The following TDRP variants were observed in gnomAD, a reference collection of about 807,000 sequenced individuals.
TDRP encodes testis development related protein, also known as testis development-related protein.
In TDRP, 12 loss-of-function variants were observed where a neutral mutation model predicts 10.5. That is an observed-to-expected ratio of 1.15 (90% CI 0.73 to 1.86). TDRP has a LOEUF of 1.86. Among genes scored for constraint, TDRP ranks in the 40% most tolerant of loss-of-function variants. The pLI is 0.00. For missense variants in TDRP, 353 were observed against 229.2 expected (o/e 1.54, Z -3.49); for synonymous variants, 139 against 95.4 (o/e 1.46, Z -2.67).
chr8:504,841 C>G (rs915746353), intron 1 of TDRP, among the ~76,000 whole-genome samples: 1 of 152,142 alleles, frequency 6.6e-6, no homozygotes, highest in African/African-American at 2.4e-5. Context: ...ATTTCGGAAC[C>G]CAGACTTATA....
chr8:523,096 T>C (rs1801948927), intron 1 of TDRP, among the ~76,000 whole-genome samples: 1 of 152,216 alleles, frequency 6.6e-6, no homozygotes, highest in Non-Finnish European at 1.5e-5. Context: ...ATTTTGACCC[T>C]CTTTTCCTCT....
chr8:500,447 C>T (rs1038884948), intron 1 of TDRP, among the ~76,000 whole-genome samples: 2 of 152,288 alleles, frequency 1.3e-5, no homozygotes, highest in East Asian at 1.9e-4. Flanking sequence ...TGTGGCAACC[C>T]TGAAGGCCTT....
At chr8:506,471 C>T (rs530319390) in intron 1 of TDRP, among the ~76,000 whole-genome samples, 2 of 152,238 alleles carry the variant, frequency 1.3e-5, no homozygotes, top group African/African-American at 4.8e-5. Context: ...GACACTAAGC[C>T]GCAGCTGAAT....
intron 1 of TDRP, among the ~76,000 whole-genome samples, chr8:523,039 A>G (rs931089798): frequency 6.6e-6 from 1 of 152,158 alleles, no homozygotes; most frequent in Non-Finnish European, 1.5e-5. Context: ...ATAGGGTAGG[A>G]CTTACTATTG....
At chr8:493,873 A>G (rs1480092386) in intron 2 of TDRP, among the ~76,000 whole-genome samples, 1 of 152,078 alleles carries the variant, frequency 6.6e-6, no homozygotes, top group African/African-American at 2.4e-5. Context: ...TTCAATTTAT[A>G]ATTCTAAGTT....
At chr8:509,335 C>A (rs576249394) in intron 1 of TDRP, among the ~76,000 whole-genome samples, 42 of 152,342 alleles carry the variant, frequency 2.8e-4, no homozygotes, top group South Asian at 8.3e-4. Context: ...AGCAGAGGTT[C>A]TCCATGAGTG....
At chr8:533,832 A>G (rs1802274724) in intron 1 of TDRP, among the ~76,000 whole-genome samples, 1 of 152,174 alleles carries the variant, frequency 6.6e-6, no homozygotes, top group Admixed American at 6.5e-5. Context: ...TTTCCTCGCA[A>G]TGTTCTAGCG....
intron 1 of TDRP, among the ~76,000 whole-genome samples, chr8:508,189 A>G (rs1230204687): frequency 6.6e-6 from 1 of 152,204 alleles, no homozygotes; most frequent in African/African-American, 2.4e-5. Flanking sequence ...AAAAGAACCA[A>G]CTGGAATTTC....
Position 526,279 on chromosome 8 carries a change from T to G in TDRP, c.108+18371A>C, listed in dbSNP as rs144103091. 9.4e-3 allele frequency among the ~76,000 whole-genome samples: 1,430 copies of G among 152,274 alleles called. 13 individuals are homozygous for G. The highest frequency in any genetic ancestry group is 0.016 in the Non-Finnish European group (1,072 of 68,018). On this transcript the variant is annotated intron_variant, in intron 1 of 2. Transcript: ENST00000324079. ...TATCAAAGTGCTAGAATTACAGATG[T>G]GAGCCACCATGCCCAGACTCTAGTT...
chr8:493,900 T>C (rs926650912), intron 2 of TDRP, among the ~76,000 whole-genome samples: 3 of 151,954 alleles, frequency 2.0e-5, no homozygotes, highest in Admixed American at 6.6e-5. Context: ...CACTTTTCCA[T>C]AACCTTTCAA....
At chr8:527,141 C>T (rs990018940) in intron 1 of TDRP, among the ~76,000 whole-genome samples, 16 of 151,752 alleles carry the variant, frequency 1.1e-4, no homozygotes, top group African/African-American at 3.9e-4. Context: ...ACACCAAAAG[C>T]AGACAATCTG....
At chr8:525,823 C>G (rs966936904) in intron 1 of TDRP, among the ~76,000 whole-genome samples, 1 of 152,136 alleles carries the variant, frequency 6.6e-6, no homozygotes, top group Non-Finnish European at 1.5e-5. Flanking sequence ...CATTATTTAT[C>G]AATAACACTG....
intron 1 of TDRP, among the ~76,000 whole-genome samples, chr8:518,975 G>A (rs1031703761): frequency 3.9e-5 from 6 of 152,166 alleles, no homozygotes; most frequent in African/African-American, 1.4e-4. Context: ...GAGGCTGGTA[G>A]AGCTTCAGGA....
intron 1 of TDRP, among the ~76,000 whole-genome samples, chr8:533,635 T>C (rs1215379313): frequency 6.6e-6 from 1 of 152,338 alleles, no homozygotes; most frequent in South Asian, 2.1e-4. Flanking sequence ...ACCAAGGGGT[T>C]ACTCAGAATT....
intron 1 of TDRP, among the ~76,000 whole-genome samples, chr8:499,091 T>A (rs567805892): frequency 6.6e-6 from 1 of 152,202 alleles, no homozygotes; most frequent in Non-Finnish European, 1.5e-5. Context: ...TAAGATTCCA[T>A]TTCTGGTATC....
At chr8:519,132 G>T (rs1374936537) in intron 1 of TDRP, among the ~76,000 whole-genome samples, 4 of 152,176 alleles carry the variant, frequency 2.6e-5, no homozygotes, top group Non-Finnish European at 4.4e-5. Context: ...AATCAGTCAT[G>T]CCTAGGGAAT....
At chr8:531,051 C>G (rs762476435) in intron 1 of TDRP, among the ~76,000 whole-genome samples, 2 of 152,100 alleles carry the variant, frequency 1.3e-5, no homozygotes, top group Non-Finnish European at 1.5e-5. Flanking sequence ...ATCAGGTGAC[C>G]CCCCAAAATT....
intron 1 of TDRP, among the ~76,000 whole-genome samples, chr8:526,503 G>A (rs192086216): frequency 2.0e-5 from 3 of 152,288 alleles, no homozygotes; most frequent in Admixed American, 6.5e-5. Flanking sequence ...GTGTTGATAT[G>A]ATGTATCACG....
In TDRP at chr8:490,630, A is replaced by C. The variant is rs1272472765; in HGVS notation, c.*1769T>G. On this transcript the variant is annotated 3_prime_UTR_variant, in exon 3 of 3. Coordinates refer to ENST00000324079, the MANE Select transcript of TDRP (RefSeq NM_001384899.1). ...ATTTGCAGAAGTCATGAAATGGTGT[A>C]TGTTTTTACTATCCCAGCAAGCACT... 2 of 152,238 alleles carry C rather than the reference A, an allele frequency of 1.3e-5. No individual in the cohort carries two copies. The highest frequency in any genetic ancestry group is 2.9e-5 in the Non-Finnish European group (2 of 68,046). 9.4% of individuals were successfully genotyped at this position (152,238 alleles called of 1,614,324 possible).
Sources: gnomAD v4.1 joint callset for allele counts (sites outside exome capture counted in the v4.1 genomes callset) on GRCh38, gnomAD v4.1.1 for gene constraint, MANE v1.5 for transcripts, NCBI Gene and HGNC (gene_info 2026-07-23, HGNC 2026-07-21) for gene names.